Variants in BBS12 observed in about 807,000 individuals in gnomAD.
BBS12 encodes chaperonin-containing T-complex member BBS12.
BBS12 carries 5 observed loss-of-function variants against 5.6 expected under a neutral mutation model. The observed-to-expected ratio is 0.89, with a 90% CI of 0.46 to 1.86. The LOEUF (loss-of-function observed/expected upper bound fraction) is 1.86. Among genes scored for constraint, BBS12 ranks in the 40% most tolerant of loss-of-function variants. BBS12 has a pLI of 0.01. For missense variants in BBS12, 748 were observed against 830.4 expected, an observed-to-expected ratio of 0.90 and a Z score of 1.22; for synonymous variants, 308 against 306.8, an observed-to-expected ratio of 1.00 and a Z score of -0.04.
the BBS12 span, among the ~76,000 whole-genome samples, chr4:122,723,884 T>A: frequency 6.6e-6 from 1 of 152,190 alleles, no homozygotes; most frequent in East Asian, 1.9e-4. Context: ...GCAAACTCAC[T>A]GAGTTTCAGA....
the BBS12 span, among the ~76,000 whole-genome samples, chr4:122,726,269 A>G: frequency 2.0e-5 from 3 of 152,222 alleles, no homozygotes; most frequent in African/African-American, 7.2e-5. Context: ...AAGGACATGA[A>G]TAGACAATTC....
At chr4:122,727,445 C>T in the BBS12 span, among the ~76,000 whole-genome samples, 3 of 151,578 alleles carry the variant, frequency 2.0e-5, no homozygotes, top group African/African-American at 7.3e-5. Context: ...AGGGTTTCAC[C>T]ATGTTAGCCA....
the BBS12 span, among the ~76,000 whole-genome samples, chr4:122,720,001 G>A: frequency 6.6e-6 from 1 of 152,120 alleles, no homozygotes. Context: ...CTTCTTTGGA[G>A]GAAAGTAACA....
the BBS12 span, among the ~76,000 whole-genome samples, chr4:122,709,976 T>G: frequency 7.9e-5 from 12 of 152,096 alleles, no homozygotes; most frequent in Non-Finnish European, 1.5e-4. Flanking sequence ...TTCAAAACTC[T>G]CAGATCCTTT....
At chr4:122,702,763 T>C in the BBS12 span, among the ~76,000 whole-genome samples, 1 of 151,964 alleles carries the variant, frequency 6.6e-6, no homozygotes, top group Non-Finnish European at 1.5e-5. Flanking sequence ...CAAGAAGAGG[T>C]CTGTAAGTCT....
intron 1 of BBS12, among the ~76,000 whole-genome samples, chr4:122,741,346 C>T (rs1188603272): frequency 4.6e-5 from 7 of 152,174 alleles, no homozygotes; most frequent in African/African-American, 1.7e-4. Context: ...GCCACCACAC[C>T]CGGCCAATTT....
At chr4:122,703,419 G>A in the BBS12 span, among the ~76,000 whole-genome samples, 1 of 152,202 alleles carries the variant, frequency 6.6e-6, no homozygotes, top group East Asian at 1.9e-4. Context: ...GTGAATAGCT[G>A]TAGTCCCAGC....
the BBS12 span, among the ~76,000 whole-genome samples, chr4:122,704,665 TTC>T: frequency 2.0e-5 from 3 of 152,216 alleles, no homozygotes; most frequent in Admixed American, 1.3e-4. Context: ...CCACTAATTC[TTC>T]TCTCTCATGT....
At chr4:122,709,167 C>T in the BBS12 span, among the ~76,000 whole-genome samples, 1 of 151,986 alleles carries the variant, frequency 6.6e-6, no homozygotes, top group Non-Finnish European at 1.5e-5. Context: ...AGTGTCTGAG[C>T]GCTAAAGAAA....
chr4:122,726,445 T>C, the BBS12 span, among the ~76,000 whole-genome samples: 1 of 152,060 alleles, frequency 6.6e-6, no homozygotes, highest in Non-Finnish European at 1.5e-5. Context: ...GTGGATGCGG[T>C]GAAGAGGGAC....
At position 122,744,287 on chromosome 4, in the gene BBS12, CT is replaced by C; in HGVS notation, c.*263del. ...AAGGACTTATCGCTCACAGCAAAAG[CT>C]GTAGCCAGAGCTTCATGTTGGTTTT... is the stretch of plus-strand genomic sequence containing the variant. On this transcript the variant is annotated 3_prime_UTR_variant, in exon 2 of 2. Coordinates refer to ENST00000314218, the MANE Select transcript of BBS12 (RefSeq NM_152618.3). 1 of 431,770 alleles carries C rather than the reference CT, an allele frequency of 2.3e-6. No individual in the cohort carries two copies. The allele number at this position is 431,770 out of a possible 1,614,324, so 26.7% of individuals were successfully genotyped here. A position where few individuals can be genotyped will look rare whatever the true frequency, so the allele number is the denominator to read the frequency against.
chr4:122,739,844 G>T (rs755731360), intron 1 of BBS12, among the ~76,000 whole-genome samples: 1 of 152,198 alleles, frequency 6.6e-6, no homozygotes, highest in Non-Finnish European at 1.5e-5. Flanking sequence ...CCATGCCCCC[G>T]CTCCCTTTAA....
chr4:122,703,840 TATTA>T, the BBS12 span, among the ~76,000 whole-genome samples: 14 of 152,204 alleles, frequency 9.2e-5, no homozygotes, highest in Non-Finnish European at 1.2e-4. Context: ...TTTATGCATG[TATTA>T]ATTAATTTAT....
the BBS12 span, among the ~76,000 whole-genome samples, chr4:122,716,540 T>C: frequency 6.7e-4 from 52 of 77,786 alleles, no homozygotes; most frequent in South Asian, 2.1e-3. Flanking sequence ...TATATATACA[T>C]ATGTGTATAT....
the BBS12 span, among the ~76,000 whole-genome samples, chr4:122,715,354 T>C: frequency 6.6e-6 from 1 of 151,844 alleles, no homozygotes; most frequent in Non-Finnish European, 1.5e-5. Context: ...CTCCTGCTTA[T>C]CTGATTGTCC....
At chr4:122,737,666 T>G (rs542538280) in intron 1 of BBS12, among the ~76,000 whole-genome samples, 41 of 152,316 alleles carry the variant, frequency 2.7e-4, no homozygotes, top group Admixed American at 1.2e-3. Context: ...AACCCCTACC[T>G]CACACCATTT....
chr4:122,738,402 G>T (rs1800818047), intron 1 of BBS12, among the ~76,000 whole-genome samples: 1 of 151,972 alleles, frequency 6.6e-6, no homozygotes, highest in South Asian at 2.1e-4. Context: ...AACAGAGACG[G>T]GTTTCACTGT....
the BBS12 span, among the ~76,000 whole-genome samples, chr4:122,718,802 C>T: frequency 6.6e-6 from 1 of 152,058 alleles, no homozygotes; most frequent in Middle Eastern, 3.4e-3. Context: ...TTTTAGGTTC[C>T]CGACTCTGTC....
chr4:122,743,436 A>G lies in BBS12; in HGVS notation c.1544A>G (p.Lys515Arg). ...TNPVTAQMQIKEDRFWTCAYR... is the reference protein window; with the variant it reads ...TNPVTAQMQIREDRFWTCAYR... ...CCAGTTACTGCACAGATGCAAATCA[A>G]AGAAGATAGGTTCTGGACATGTGCC... The change falls in exon 2 of 2, where the codon AAA becomes AGA. Residue 515 changes from lysine (K) to arginine (R), a missense_variant. Lys to Arg is a conservative substitution (Grantham distance 26). Coordinates refer to ENST00000314218, the MANE Select transcript of BBS12 (RefSeq NM_152618.3). 6.2e-7 allele frequency: 1 copy of G among 1,614,230 alleles called. No homozygotes were observed. Among genetic ancestry groups the G allele is most frequent in the Non-Finnish European group, 8.5e-7 (1 of 1,180,022 alleles).
Sources: gnomAD v4.1 joint callset for allele counts (sites outside exome capture counted in the v4.1 genomes callset) on GRCh38, gnomAD v4.1.1 for gene constraint, MANE v1.5 for transcripts, NCBI Gene and HGNC (gene_info 2026-07-23, HGNC 2026-07-21) for gene names.